GRPEL1: variants seen among roughly 807,000 people sequenced by gnomAD.
GRPEL1 encodes the protein grpE protein homolog 1, mitochondrial.
GRPEL1 carries 13 observed loss-of-function variants against 22.1 expected under a neutral mutation model. The ratio of observed to expected loss-of-function variants is 0.59; its 90% confidence interval spans 0.38 to 0.94. The LOEUF (loss-of-function observed/expected upper bound fraction) is 0.94. Ranked by LOEUF, GRPEL1 falls within the 40% of genes least tolerant of loss-of-function variation. The probability of loss-of-function intolerance (pLI) is 0.00; values close to 1 mark genes in which losing one functional copy is unlikely to be tolerated. For synonymous variants in GRPEL1, 109 were observed against 105.3 expected (o/e 1.03, Z -0.21); for missense variants, 289 against 264.6 (o/e 1.09, Z -0.64).
rs138964654 is a variant in GRPEL1 at position 7,062,386 on chromosome 4, G to A, written c.306C>T (p.Tyr102=). 4.8e-5 allele frequency: 73 copies of A among 1,512,870 alleles called. 1 individual carries two copies. Among genetic ancestry groups the A allele is most frequent in the African/African-American group, 9.8e-5 (7 of 71,630 alleles). The allele number at this position is 1,512,870 out of a possible 1,614,324, so 93.7% of individuals were successfully genotyped here. A position where few individuals can be genotyped will look rare whatever the true frequency, so the allele number is the denominator to read the frequency against. The part of the protein sequence containing the change: ...SQKLVEEAKL[Y]GIQAFCKDLL... ...AACACCATGTTATGTTGAAAGTACC[G>A]TATAATTTTGCCTCCTCCACCAATT... The change falls in exon 3 of 4, where the codon TAC becomes TAT. Residue 102 remains tyrosine, a splice_region_variant and synonymous_variant. Transcript: ENST00000264954.
chr4:7,067,167 A>G (rs926749139), intron 1 of GRPEL1, among the ~76,000 whole-genome samples: 2 of 152,158 alleles, frequency 1.3e-5, no homozygotes, highest in Admixed American at 6.5e-5. Flanking sequence ...TCTCTAATCA[A>G]TAACTTGGTT....
chr4:7,066,717 C>G (rs1445554933), intron 1 of GRPEL1, among the ~76,000 whole-genome samples: 1 of 152,194 alleles, frequency 6.6e-6, no homozygotes, highest in Non-Finnish European at 1.5e-5. Flanking sequence ...GAAGCACAGC[C>G]AACACAAAGT....
intron 1 of GRPEL1, chr4:7,067,672 C>G (rs1019980776): frequency 4.1e-6 from 2 of 489,970 alleles, no homozygotes; most frequent in African/African-American, 4.2e-5. Context: ...GCCGCAGGCC[C>G]TGGACCACAC....
intron 3 of GRPEL1, 170 bp from the exon 4 acceptor site, chr4:7,061,378 C>T (rs1460036225): frequency 1.7e-6 from 1 of 592,796 alleles, no homozygotes; most frequent in Non-Finnish European, 2.9e-6. Flanking sequence ...CTCTCAAAAG[C>T]TACTTGTGGG....
chr4:7,061,276 C>A lies in GRPEL1; in HGVS notation c.308-68G>T, dbSNP rs969248285. 5.2e-5 allele frequency: 64 copies of A among 1,237,704 alleles called. 1 individual carries two copies. The highest frequency in any genetic ancestry group is 2.9e-5 in the Non-Finnish European group (26 of 883,504). 76.7% of individuals were successfully genotyped at this position (1,237,704 alleles called of 1,614,324 possible). A position where few individuals can be genotyped will look rare whatever the true frequency, so the allele number is the denominator to read the frequency against. ...GCACAGGGCAATTCCAAACTGAGCA[C>A]TGCTGACCTGATGTGGAGGCTATTT... On this transcript the variant is annotated intron_variant, in intron 3 of 3. Transcript: ENST00000264954.
intron 1 of GRPEL1, among the ~76,000 whole-genome samples, chr4:7,064,699 A>G (rs773852822): frequency 3.3e-5 from 5 of 152,068 alleles, no homozygotes; most frequent in Non-Finnish European, 7.4e-5. Flanking sequence ...GGGTTTCACT[A>G]TGTTGGCCAG....
rs1577221213 is a variant in GRPEL1 at position 7,062,276 on chromosome 4, A to C, written c.307+109T>G. ...AAAATGCAGGGGATGCAACAGCTGG[A>C]CCCCCCACCCCACAGCCTTGCTCTC... On this transcript the variant is annotated intron_variant, in intron 3 of 3. Coordinates refer to ENST00000264954, the MANE Select transcript of GRPEL1 (RefSeq NM_025196.4). 104 of 310,256 alleles carry C rather than the reference A, an allele frequency of 3.4e-4. 1 individual carries two copies. The highest frequency in any genetic ancestry group is 6.0e-4 in the East Asian group (8 of 13,428). 19.2% of individuals were successfully genotyped at this position (310,256 alleles called of 1,614,324 possible).
At chr4:7,063,729 C>T (rs953345736) in intron 2 of GRPEL1, among the ~76,000 whole-genome samples, 2 of 152,270 alleles carry the variant, frequency 1.3e-5, no homozygotes, top group Admixed American at 1.3e-4. Context: ...CTGCTCCCAA[C>T]TCTTGTACTT....
rs989389859 is a variant in GRPEL1, at chr4:7,063,296, C to T, written c.225+765G>A. Among the ~76,000 whole-genome samples the T allele has an allele frequency of 2.6e-5, 4 of 151,988 alleles. No homozygotes were observed. In the South Asian group the frequency reaches 8.3e-4, roughly 32 times the overall value. ...TAGAGATGGAGTCTCACTATGTTGC[C>T]CAGGCTGGTCTTGAACACCTGGGCT... On this transcript the variant is annotated intron_variant, in intron 2 of 3. Transcript: ENST00000264954.
In GRPEL1 at chr4:7,068,005, G is replaced by A. The variant is rs111621373; in HGVS notation, c.28C>T (p.Arg10Trp). Residue 10 changes from arginine to tryptophan, a missense_variant, in exon 1 of 4, where the codon CGG becomes TGG. By Grantham distance (101) the Arg-to-Trp change is moderately radical. Transcript: ENST00000264954. ...AACGCCAAAGCAGGAAGACTGCGCC[G>A]CGCCAACCTCACGCACTGAGCCGCC... MAAQCVRLA[R>W]RSLPALALSL... 11 of 1,613,098 alleles carry A rather than the reference G, an allele frequency of 6.8e-6. No homozygotes were observed. In the African/African-American group the frequency reaches 1.1e-4, roughly 16 times the overall value.
At position 7,066,457 on chromosome 4, in the gene GRPEL1, A is replaced by G. The variant is rs1346188948; in HGVS notation, c.62+1514T>C. On this transcript the variant is annotated intron_variant, in intron 1 of 3. Transcript: ENST00000264954. The stretch of plus-strand genomic sequence containing the variant: ...CCTATTTTTGTAAAGACAAACTAGA[A>G]ATCCTGTGTACTTATTAATATCTTA... 2.6e-5 allele frequency among the ~76,000 whole-genome samples: 4 copies of G among 152,234 alleles called. No individual in the cohort carries two copies. The East Asian group carries it at 7.7e-4, about 29-fold the overall frequency.
In GRPEL1 at chr4:7,061,137, T is replaced by C. The variant is rs1724032118; in HGVS notation, c.379A>G (p.Lys127Glu). 1 of 1,614,076 alleles carries C rather than the reference T, an allele frequency of 6.2e-7. No individual in the cohort carries two copies. The highest frequency in any genetic ancestry group is 1.3e-5 in the African/African-American group (1 of 74,930). ...GGGTTATCGTCTTTAATTTCTTCTT[T>C]TGGAACACACTGTGTTGCCTTCTCC... is the stretch of plus-strand genomic sequence containing the variant. Reference protein sequence around the residue: ...VLEKATQCVPKEEIKDDNPHL... With the variant: ...VLEKATQCVPEEEIKDDNPHL... Residue 127 changes from lysine to glutamate, a missense_variant, in exon 4 of 4, where the codon AAA becomes GAA. Transcript: ENST00000264954.
At chr4:7,062,999 A>C (rs989072345) in intron 2 of GRPEL1, among the ~76,000 whole-genome samples, 1 of 152,152 alleles carries the variant, frequency 6.6e-6, no homozygotes, top group African/African-American at 2.4e-5. Context: ...TGTTACCCAG[A>C]GGTGGCTCAG....
chr4:7,061,255 A>T (rs748822956), intron 3 of GRPEL1, 47 bp from the exon 4 acceptor site: 1 of 1,492,164 alleles, frequency 6.7e-7, no homozygotes, highest in South Asian at 1.3e-5. Flanking sequence ...CCAACCGCAC[A>T]GGGCAATTCC....
chr4:7,064,697 C>T (rs1330402761), intron 1 of GRPEL1, among the ~76,000 whole-genome samples: 1 of 152,146 alleles, frequency 6.6e-6, no homozygotes, highest in African/African-American at 2.4e-5. Context: ...TGGGGTTTCA[C>T]TATGTTGGCC....
chr4:7,061,454 G>GA (rs1724039749), intron 3 of GRPEL1: 1 of 458,850 alleles, frequency 2.2e-6, no homozygotes, highest in Admixed American at 4.0e-5. Flanking sequence ...CAGTAGAGGG[G>GA]AAAATACCCT....
At chr4:7,066,539 A>T (rs1324429214) in intron 1 of GRPEL1, among the ~76,000 whole-genome samples, 2 of 152,250 alleles carry the variant, frequency 1.3e-5, no homozygotes, top group Non-Finnish European at 2.9e-5. Context: ...ATGGGGGTGG[A>T]GAGCGATGAC....
intron 1 of GRPEL1, among the ~76,000 whole-genome samples, chr4:7,066,164 T>C (rs1724163945): frequency 6.6e-6 from 1 of 152,192 alleles, no homozygotes; most frequent in African/African-American, 2.4e-5. Context: ...TAAGCTACAT[T>C]CAATTTTCTT....
At position 7,062,448 on chromosome 4, in the gene GRPEL1, A is replaced by C. The variant is rs776534629; in HGVS notation, c.244T>G (p.Leu82Val). 27 of 1,570,970 alleles carry C rather than the reference A, an allele frequency of 1.7e-5. No individual in the cohort carries two copies. In the South Asian group the frequency reaches 3.2e-4, roughly 18 times the overall value. The change falls in exon 3 of 4, where the codon TTG becomes GTG. Residue 82 changes from leucine (L) to valine (V), a missense_variant. Leu to Val is a conservative substitution (Grantham distance 32). Transcript: ENST00000264954. The part of the protein sequence containing the change: ...KETVEKYKRA[L>V]ADTENLRQRS... ...TGCCGTAAGTTCTCAGTGTCTGCCA[A>C]AGCTCGTTTATATTTTTCCTAAAAG...
Sources: allele counts gnomAD v4.1 joint callset (sites outside exome capture counted in the v4.1 genomes callset), GRCh38; gene constraint gnomAD v4.1.1; transcripts MANE v1.5; gene names NCBI Gene and HGNC (gene_info 2026-07-23, HGNC 2026-07-21).